FAM193A: variants seen among roughly 807,000 people sequenced by gnomAD.
FAM193A encodes the protein protein FAM193A.
Under a neutral mutation model 126.5 loss-of-function variants are expected in FAM193A, and 22 were observed. The observed-to-expected ratio is 0.17, with a 90% CI of 0.12 to 0.25. The LOEUF (loss-of-function observed/expected upper bound fraction) is 0.25, where lower values mean the gene tolerates loss of function less well. Ranked by LOEUF, FAM193A falls within the 10% of genes least tolerant of loss-of-function variation. FAM193A has a pLI of 1.00. For missense variants in FAM193A, 1,675 were observed against 1,672.8 expected (o/e 1.00, Z -0.02); for synonymous variants, 761 against 646.8 (o/e 1.18, Z -2.68).
chr4:2,593,589 G>A (rs1280940388), intron 1 of FAM193A, among the ~76,000 whole-genome samples: 2 of 152,202 alleles, frequency 1.3e-5, no homozygotes, highest in African/African-American at 4.8e-5. Context: ...TGCCCTCAGT[G>A]CCTGGACCAG....
intron 19 of FAM193A, among the ~76,000 whole-genome samples, chr4:2,714,376 A>C (rs992096617): frequency 6.6e-6 from 1 of 152,064 alleles, no homozygotes; most frequent in African/African-American, 2.4e-5. Context: ...CACATCCGCT[A>C]TTCTGTGCCA....
chr4:2,601,227 C>CTTTTTT (rs1201989388), intron 2 of FAM193A, among the ~76,000 whole-genome samples: 31 of 110,656 alleles, frequency 2.8e-4, no homozygotes, highest in Non-Finnish European at 3.7e-4. Flanking sequence ...TCTTCTTCTT[C>CTTTTTT]TTTTTTTTTT....
At chr4:2,676,138 C>T (rs906157388) in intron 13 of FAM193A, among the ~76,000 whole-genome samples, 1 of 152,070 alleles carries the variant, frequency 6.6e-6, no homozygotes, top group Non-Finnish European at 1.5e-5. Context: ...GGGTGTGTAC[C>T]CGGAAGTGGA....
chr4:2,694,976 G>A lies in FAM193A; in HGVS notation c.3123G>A (p.Glu1041=). The A allele has an allele frequency of 6.2e-7, 1 of 1,604,476 alleles. No homozygotes were observed. The highest frequency in any genetic ancestry group is 1.1e-5 in the South Asian group (1 of 89,080). ...SDPDCEGHRC[E]NGVYDPQQDD... is the part of the protein sequence containing the mutation. ...CTGACTGCGAAGGGCACCGCTGCGAGAATGGTGTCTACGACCCACAGCAGG... is the reference window on the plus strand; with the variant it reads ...CTGACTGCGAAGGGCACCGCTGCGAAAATGGTGTCTACGACCCACAGCAGG... Residue 1041 remains glutamate (E), a synonymous_variant, in exon 17 of 21, where the codon GAG becomes GAA. Coordinates refer to ENST00000637812, the MANE Select transcript of FAM193A (RefSeq NM_001366318.2).
At chr4:2,698,748 C>T (rs1047392980) in intron 18 of FAM193A, among the ~76,000 whole-genome samples, 5 of 152,212 alleles carry the variant, frequency 3.3e-5, no homozygotes, top group African/African-American at 1.2e-4. Flanking sequence ...ACACAAAGAA[C>T]AGTTTCCATT....
intron 20 of FAM193A, among the ~76,000 whole-genome samples, chr4:2,718,542 G>A (rs895748408): frequency 1.3e-5 from 2 of 152,016 alleles, no homozygotes; most frequent in Admixed American, 1.3e-4. Context: ...TGGGCAACAT[G>A]GTGAAATCCT....
rs1430964189 is a variant in FAM193A at position 2,648,534 on chromosome 4, C to T, written c.1311+1702C>T. Among the ~76,000 whole-genome samples, 93 of 152,210 alleles carry T rather than the reference C, an allele frequency of 6.1e-4. 1 individual carries two copies. Among genetic ancestry groups the T allele is most frequent in the Non-Finnish European group, 4.4e-5 (3 of 68,028 alleles). On this transcript the variant is annotated intron_variant, in intron 7 of 20. Coordinates refer to ENST00000637812, the MANE Select transcript of FAM193A (RefSeq NM_001366318.2). The stretch of plus-strand genomic sequence containing the variant: ...CCTGCTGTGGCTTGTCACTGACCAG[C>T]GACTTCTTAGCCTGGACTACTGTGA...
chr4:2,578,910 T>C (rs910928724), intron 1 of FAM193A, among the ~76,000 whole-genome samples: 4 of 152,008 alleles, frequency 2.6e-5, no homozygotes, highest in Non-Finnish European at 4.4e-5. Context: ...GAGAGGTTGG[T>C]CTTGCTGTTT....
chr4:2,590,491 AAAAAC>A (rs1210082456), intron 1 of FAM193A, among the ~76,000 whole-genome samples: 18 of 102,728 alleles, frequency 1.8e-4, no homozygotes, highest in African/African-American at 9.9e-4. Context: ...AAAAACAAAA[AAAAAC>A]AAAAAAAAAC....
intron 13 of FAM193A, among the ~76,000 whole-genome samples, chr4:2,677,783 C>T (rs950523416): frequency 1.3e-5 from 2 of 151,724 alleles, no homozygotes; most frequent in African/African-American, 4.8e-5. Flanking sequence ...TTCAGGATCC[C>T]GTGAGATTCT....
intron 1 of FAM193A, among the ~76,000 whole-genome samples, chr4:2,558,674 G>A (rs2108835305): frequency 6.6e-6 from 1 of 152,274 alleles, no homozygotes; most frequent in South Asian, 2.1e-4. Context: ...ACAGGCGGGA[G>A]CCACTGTACC....
At chr4:2,641,617 T>C (rs531702088) in intron 6 of FAM193A, among the ~76,000 whole-genome samples, 5 of 151,560 alleles carry the variant, frequency 3.3e-5, no homozygotes, top group Non-Finnish European at 7.4e-5. Flanking sequence ...ATCGTGCCAC[T>C]GCACTCCATC....
At chr4:2,539,857 G>C (rs1019542251) in intron 1 of FAM193A, among the ~76,000 whole-genome samples, 6 of 152,050 alleles carry the variant, frequency 3.9e-5, no homozygotes, top group African/African-American at 1.2e-4. Context: ...CCAGCACTTC[G>C]GGAGGCCGAG....
chr4:2,560,869 A>T (rs540190395), intron 1 of FAM193A, among the ~76,000 whole-genome samples: 1 of 152,154 alleles, frequency 6.6e-6, no homozygotes, highest in African/African-American at 2.4e-5. Flanking sequence ...GCTGGTCTCG[A>T]ACTCCTGGGC....
chr4:2,624,240 G>C (rs1378993045), intron 2 of FAM193A, among the ~76,000 whole-genome samples: 1 of 151,870 alleles, frequency 6.6e-6, no homozygotes, highest in Non-Finnish European at 1.5e-5. Context: ...GCGGTGGCGC[G>C]ATCTCGGCTC....
chr4:2,688,542 G>T (rs1315553518), intron 13 of FAM193A, among the ~76,000 whole-genome samples: 1 of 152,158 alleles, frequency 6.6e-6, no homozygotes, highest in Non-Finnish European at 1.5e-5. Context: ...TGTGTGTCCA[G>T]GGCTTTGGTG....
chr4:2,688,524 G>A (rs1716002436), intron 13 of FAM193A, among the ~76,000 whole-genome samples: 1 of 152,126 alleles, frequency 6.6e-6, no homozygotes, highest in Non-Finnish European at 1.5e-5. Flanking sequence ...GCCGGCCAAG[G>A]GGAGGCCTGT....
chr4:2,557,736 A>T (rs1046220245), intron 1 of FAM193A, among the ~76,000 whole-genome samples: 1 of 151,324 alleles, frequency 6.6e-6, no homozygotes, highest in African/African-American at 2.4e-5. Flanking sequence ...ACGGATCATG[A>T]GGTCAGGAGA....
chr4:2,547,917 G>A (rs550867263), intron 1 of FAM193A, among the ~76,000 whole-genome samples: 3 of 152,034 alleles, frequency 2.0e-5, no homozygotes, highest in African/African-American at 7.2e-5. Flanking sequence ...GAGCCACTGA[G>A]CCTGGCCTCT....
Sources: allele counts gnomAD v4.1 joint callset (sites outside exome capture counted in the v4.1 genomes callset), GRCh38; gene constraint gnomAD v4.1.1; transcripts MANE v1.5; gene names NCBI Gene and HGNC (gene_info 2026-07-23, HGNC 2026-07-21).